The following SARS1 variants were observed in gnomAD, a reference collection of about 807,000 sequenced individuals.
The protein encoded by SARS1 is seryl-tRNA synthetase 1.
In SARS1, 25 loss-of-function variants were observed where a neutral mutation model predicts 63.7. That is an observed-to-expected ratio of 0.39 (90% CI 0.29 to 0.55). The LOEUF (loss-of-function observed/expected upper bound fraction) is 0.55, where lower values mean the gene tolerates loss of function less well. Among genes scored for constraint, SARS1 ranks in the 20% least tolerant of loss-of-function variants. The pLI is 0.62. For missense variants in SARS1, 417 were observed against 649.7 expected (o/e 0.64, Z 3.89); for synonymous variants, 231 against 243.5 (o/e 0.95, Z 0.48).
chr1:109,231,024 A>G lies in SARS1; in HGVS notation c.591+3A>G, dbSNP rs1302773417. ...GGAGTCGAGGGTACTTCTTGAAGGTAAGAGCTGGGAACCAGTGAGGATAGG... is the reference window on the plus strand; with the variant it reads ...GGAGTCGAGGGTACTTCTTGAAGGTGAGAGCTGGGAACCAGTGAGGATAGG... On this transcript the variant is annotated splice_donor_region_variant and intron_variant, in intron 5 of 10. Transcript: ENST00000234677. 1 of 1,474,406 alleles carries G rather than the reference A, an allele frequency of 6.8e-7. No individual in the cohort carries two copies. The highest frequency in any genetic ancestry group is 9.0e-7 in the Non-Finnish European group (1 of 1,114,176). The allele number at this position is 1,474,406 out of a possible 1,614,324, so 91.3% of individuals were successfully genotyped here.
rs545472922 is a variant in SARS1 at position 109,218,900 on chromosome 1, A to C, written c.136+4772A>C. Among the ~76,000 whole-genome samples, 4 of 152,278 alleles carry C rather than the reference A, an allele frequency of 2.6e-5. 1 individual carries two copies. In the South Asian group the frequency reaches 8.3e-4, roughly 32 times the overall value. ...ATTTTTATTGACATAGATACAGTAA[A>C]GTACACAAATCTTAGTGTACAGGTT... On this transcript the variant is annotated intron_variant, in intron 1 of 10. Transcript: ENST00000234677.
At chr1:109,233,034 A>G (rs140340118) in intron 6 of SARS1, among the ~76,000 whole-genome samples, 6 of 152,318 alleles carry the variant, frequency 3.9e-5, no homozygotes, top group Admixed American at 3.3e-4. Context: ...ATCGCTGCCT[A>G]ATAGAACTTT....
chr1:109,216,189 C>A (rs148608707), intron 1 of SARS1: 4 of 985,382 alleles, frequency 4.1e-6, no homozygotes, highest in Non-Finnish European at 4.8e-6. Context: ...GGATGGAGTT[C>A]TTCTCTCATT....
At chr1:109,217,442 ATTTG>A (rs1250541488) in intron 1 of SARS1, among the ~76,000 whole-genome samples, 3 of 151,922 alleles carry the variant, frequency 2.0e-5, no homozygotes, top group African/African-American at 4.8e-5. Context: ...GTAATTGTTA[ATTTG>A]TTTGTATCCA....
chr1:109,225,221 C>G (rs1004853144), intron 2 of SARS1, among the ~76,000 whole-genome samples: 25 of 152,138 alleles, frequency 1.6e-4, no homozygotes, highest in African/African-American at 5.3e-4. Flanking sequence ...GGAACTGCAC[C>G]AGTAAAGAGC....
intron 2 of SARS1, among the ~76,000 whole-genome samples, chr1:109,225,054 A>G (rs983108617): frequency 6.6e-6 from 1 of 152,222 alleles, no homozygotes; most frequent in Admixed American, 6.5e-5. Context: ...GCAGTGAGCC[A>G]AGATTGCGCT....
intron 1 of SARS1, among the ~76,000 whole-genome samples, chr1:109,220,595 C>T (rs1012609022): frequency 1.2e-4 from 19 of 152,170 alleles, no homozygotes; most frequent in African/African-American, 3.9e-4. Flanking sequence ...TTATTTATAT[C>T]GTGTGGATAG....
At chr1:109,232,735 C>A (rs584116) in intron 6 of SARS1, among the ~76,000 whole-genome samples, 1 of 151,992 alleles carries the variant, frequency 6.6e-6, no homozygotes, top group Non-Finnish European at 1.5e-5. Flanking sequence ...TTCCTTTACT[C>A]GCTAAAACCT....
intron 2 of SARS1, among the ~76,000 whole-genome samples, chr1:109,226,350 T>G (rs1343279914): frequency 6.8e-6 from 1 of 146,154 alleles, no homozygotes; most frequent in Non-Finnish European, 1.5e-5. Flanking sequence ...AGTCCTTTTG[T>G]TCTTTCTTTT....
At position 109,236,379 on chromosome 1, in the gene SARS1, T is replaced by G; in HGVS notation, c.1100-12T>G. The stretch of plus-strand genomic sequence containing the variant: ...TCCCTCCTTCATGAATTCTAGGGGT[T>G]TTTCCTTACAGGTTCTTTGAATCAT... On this transcript the variant is annotated splice_polypyrimidine_tract_variant and intron_variant, in intron 8 of 10. Transcript: ENST00000234677. 1 of 1,584,964 alleles carries G rather than the reference T, an allele frequency of 6.3e-7. No individual in the cohort carries two copies. The highest frequency in any genetic ancestry group is 8.6e-7 in the Non-Finnish European group (1 of 1,158,470).
intron 8 of SARS1, 91 bp downstream of exon 8, chr1:109,236,197 C>G: frequency 7.0e-7 from 1 of 1,431,280 alleles, no homozygotes; most frequent in Non-Finnish European, 9.5e-7. Context: ...AAACAGCTCA[C>G]AATTCAACTC....
intron 2 of SARS1, among the ~76,000 whole-genome samples, chr1:109,224,651 C>A (rs541945542): frequency 1.7e-4 from 26 of 151,764 alleles, no homozygotes; most frequent in Non-Finnish European, 3.7e-4. Context: ...TAATGAATGG[C>A]AAGTAATGTT....
At chr1:109,223,225 A>G (rs957576428) in intron 1 of SARS1, among the ~76,000 whole-genome samples, 3 of 152,238 alleles carry the variant, frequency 2.0e-5, no homozygotes, top group Non-Finnish European at 2.9e-5. Context: ...CTAGATGAGC[A>G]TTATATCAAA....
At chr1:109,215,559 G>A (rs1245659932) in intron 1 of SARS1, 12 of 985,172 alleles carry the variant, frequency 1.2e-5, no homozygotes, top group Non-Finnish European at 1.4e-5. Flanking sequence ...CTGGTCCTTG[G>A]TAAGGCCTTG....
In SARS1 at chr1:109,214,445, G is replaced by A; in HGVS notation, c.136+317G>A. 1 of 849,088 alleles carries A rather than the reference G, an allele frequency of 1.2e-6. No individual in the cohort carries two copies. Among genetic ancestry groups the A allele is most frequent in the Non-Finnish European group, 1.5e-6 (1 of 660,508 alleles). 52.6% of individuals were successfully genotyped at this position (849,088 alleles called of 1,614,324 possible). On this transcript the variant is annotated intron_variant, in intron 1 of 10. Coordinates refer to ENST00000234677, the MANE Select transcript of SARS1 (RefSeq NM_006513.4). The surrounding 1 kb of genome is among the most constrained non-coding windows in gnomAD (Gnocchi z 4.6). ...GTTGCCAGAACATGCCGGGGCGGGA[G>A]GTTGTGGGGTCTACGCGGCTTTCCT...
chr1:109,228,911 C>T (rs112865242), intron 3 of SARS1, among the ~76,000 whole-genome samples: 5 of 152,228 alleles, frequency 3.3e-5, no homozygotes, highest in African/African-American at 1.2e-4. Flanking sequence ...CCTGCCTGGC[C>T]CTACTGCTAA....
chr1:109,228,880 G>A (rs929490944), intron 3 of SARS1, among the ~76,000 whole-genome samples: 1 of 152,174 alleles, frequency 6.6e-6, no homozygotes, highest in Non-Finnish European at 1.5e-5. Flanking sequence ...GTGCTTGAAG[G>A]TCTCGGATTG....
At position 109,237,426 on chromosome 1, in the gene SARS1, T is replaced by TC; in HGVS notation, c.1387+54dup. ...CTCCTCTTTTCTGTCTTCACACTCT[T>TC]CTAAATAGCAGTCCCCTTTCAGGAT... On this transcript the variant is annotated intron_variant, in intron 10 of 10. Transcript: ENST00000234677. The surrounding 1 kb of genome is among the most constrained non-coding windows in gnomAD (Gnocchi z 4.1). 1.2e-6 allele frequency: 2 copies of TC among 1,612,342 alleles called. No individual in the cohort carries two copies. Among genetic ancestry groups the TC allele is most frequent in the Non-Finnish European group, 1.7e-6 (2 of 1,178,850 alleles).
chr1:109,237,133 G>T lies in SARS1; in HGVS notation c.1258-111G>T. 6.7e-7 allele frequency: 1 copy of T among 1,483,604 alleles called. No individual in the cohort carries two copies. Among genetic ancestry groups the T allele is most frequent in the South Asian group, 1.3e-5 (1 of 74,094 alleles). The allele number at this position is 1,483,604 out of a possible 1,614,324, so 91.9% of individuals were successfully genotyped here. ...GCTAAGGGGTAGAACCCATCATTTT[G>T]ATTTGGACAGTTGTGGTTGGGGAAG... On this transcript the variant is annotated intron_variant, in intron 9 of 10. Coordinates refer to ENST00000234677, the MANE Select transcript of SARS1 (RefSeq NM_006513.4). The surrounding 1 kb of genome is among the most constrained non-coding windows in gnomAD (Gnocchi z 4.1).
Sources: gnomAD v4.1 joint callset for allele counts (sites outside exome capture counted in the v4.1 genomes callset) on GRCh38, gnomAD v4.1.1 for gene constraint, Gnocchi (gnomAD v3.1) non-coding constraint, MANE v1.5 for transcripts, NCBI Gene and HGNC (gene_info 2026-07-23, HGNC 2026-07-21) for gene names.